FBXL17: variants seen among roughly 807,000 people sequenced by gnomAD.
FBXL17 encodes the protein F-box and leucine rich repeat protein 17, also known as F-box/LRR-repeat protein 17.
FBXL17 carries 22 observed loss-of-function variants against 66.2 expected under a neutral mutation model. The observed-to-expected ratio is 0.33, with a 90% CI of 0.24 to 0.47. FBXL17 has a LOEUF of 0.47. Ranked by LOEUF, FBXL17 falls within the 20% of genes least tolerant of loss-of-function variation. The probability of loss-of-function intolerance (pLI) is 1.00; values close to 1 mark genes in which losing one functional copy is unlikely to be tolerated. For synonymous variants in FBXL17, 474 were observed against 400.5 expected, an observed-to-expected ratio of 1.18 and a Z score of -2.19; for missense variants, 878 against 948.2, an observed-to-expected ratio of 0.93 and a Z score of 0.97.
intron 1 of FBXL17, among the ~76,000 whole-genome samples, chr5:108,379,385 A>G (rs1376640282): frequency 6.6e-6 from 1 of 152,206 alleles, no homozygotes; most frequent in Non-Finnish European, 1.5e-5. Flanking sequence ...CTGCACACAA[A>G]GAGTAGGCAA....
chr5:107,887,706 C>T (rs1328134668), intron 7 of FBXL17, among the ~76,000 whole-genome samples: 1 of 152,184 alleles, frequency 6.6e-6, no homozygotes, highest in Admixed American at 6.5e-5. Flanking sequence ...TCCCTCCACC[C>T]CGCAGGGACT....
intron 4 of FBXL17, among the ~76,000 whole-genome samples, chr5:108,314,096 T>C (rs1007975589): frequency 6.6e-6 from 1 of 151,756 alleles, no homozygotes; most frequent in African/African-American, 2.4e-5. Context: ...TTCTATTACT[T>C]CAAAATTAAA....
At chr5:108,026,619 G>A (rs1308268990) in intron 6 of FBXL17, among the ~76,000 whole-genome samples, 1 of 152,158 alleles carries the variant, frequency 6.6e-6, no homozygotes, top group African/African-American at 2.4e-5. Context: ...CAAAGACTAG[G>A]AGTGACATGC....
intron 6 of FBXL17, among the ~76,000 whole-genome samples, chr5:108,058,461 T>TTC (rs1378204825): frequency 2.6e-5 from 4 of 151,908 alleles, no homozygotes; most frequent in Admixed American, 6.6e-5. Flanking sequence ...CTTTTCTTTC[T>TTC]TCTCTCTCTC....
chr5:108,013,388 C>G (rs989593208), intron 7 of FBXL17, among the ~76,000 whole-genome samples: 1 of 152,160 alleles, frequency 6.6e-6, no homozygotes, highest in African/African-American at 2.4e-5. Context: ...TCTATTCTTT[C>G]TTCAGAATAA....
intron 4 of FBXL17, among the ~76,000 whole-genome samples, chr5:108,306,331 C>T (rs1758840033): frequency 6.6e-6 from 1 of 151,960 alleles, no homozygotes; most frequent in Non-Finnish European, 1.5e-5. Context: ...TATAGGTCTC[C>T]AAGAGCAACT....
intron 4 of FBXL17, among the ~76,000 whole-genome samples, chr5:108,267,893 C>T (rs1263461586): frequency 1.3e-5 from 2 of 151,954 alleles, no homozygotes; most frequent in African/African-American, 4.8e-5. Context: ...ATGTTCACGC[C>T]TATTTTGTTT....
rs529679670 is a variant in FBXL17 at position 107,868,078 on chromosome 5, T to C, written c.1966-6218A>G. ...ATAATATTCAGTGAACATCTATTAT[T>C]TCCCAGACATCTAAGCATGAATACC... On this transcript the variant is annotated intron_variant, in intron 8 of 8. Coordinates refer to ENST00000542267, the MANE Select transcript of FBXL17 (RefSeq NM_001163315.3). Among the ~76,000 whole-genome samples, 6 of 152,314 alleles carry C rather than the reference T, an allele frequency of 3.9e-5. No individual in the cohort carries two copies. The South Asian group carries it at 1.2e-3, about 32-fold the overall frequency.
chr5:108,005,373 T>C (rs1025953576), intron 7 of FBXL17, among the ~76,000 whole-genome samples: 1 of 152,168 alleles, frequency 6.6e-6, no homozygotes, highest in African/African-American at 2.4e-5. Context: ...CTCCTCTGTC[T>C]CAATTTTAGG....
chr5:107,953,187 G>A (rs1373707196), intron 7 of FBXL17, among the ~76,000 whole-genome samples: 1 of 152,030 alleles, frequency 6.6e-6, no homozygotes, highest in African/African-American at 2.4e-5. Flanking sequence ...CGGATCACGA[G>A]GTCAGGAGAT....
At chr5:108,275,290 T>C (rs1206962321) in intron 4 of FBXL17, among the ~76,000 whole-genome samples, 1 of 152,196 alleles carries the variant, frequency 6.6e-6, no homozygotes, top group Non-Finnish European at 1.5e-5. Flanking sequence ...AAAGAGCTAG[T>C]TAAGATTTTT....
At position 108,274,284 on chromosome 5, in the gene FBXL17, C is replaced by T. The variant is rs370831330; in HGVS notation, c.1507-50056G>A. Among the ~76,000 whole-genome samples, 16 of 152,112 alleles carry T rather than the reference C, an allele frequency of 1.1e-4. No individual in the cohort carries two copies. The East Asian group carries it at 2.7e-3, about 26-fold the overall frequency. ...CTCGACCATAAGAGACGACCACGCC[C>T]GGGGGGGCCAGTTTAGAGACCTACC... On this transcript the variant is annotated intron_variant, in intron 4 of 8. Coordinates refer to ENST00000542267, the MANE Select transcript of FBXL17 (RefSeq NM_001163315.3).
Position 108,257,533 on chromosome 5 carries a change from A to T in FBXL17, c.1507-33305T>A, listed in dbSNP as rs116227790. 7.0e-3 allele frequency among the ~76,000 whole-genome samples: 1,059 copies of T among 152,248 alleles called. 9 individuals carry two copies. Among genetic ancestry groups the T allele is most frequent in the African/African-American group, 0.024 (988 of 41,520 alleles). On this transcript the variant is annotated intron_variant, in intron 4 of 8. Coordinates refer to ENST00000542267, the MANE Select transcript of FBXL17 (RefSeq NM_001163315.3). ...GTAGCAAAGGAAGATAATAATTATC[A>T]TTATTATTAACTGAATAATTTCTAT...
intron 7 of FBXL17, among the ~76,000 whole-genome samples, chr5:107,932,943 G>A (rs1750780034): frequency 1.3e-5 from 2 of 152,122 alleles, no homozygotes; most frequent in Admixed American, 1.3e-4. Context: ...TAAGGTCATG[G>A]TTATTATGAA....
chr5:107,953,276 C>T (rs561259433), intron 7 of FBXL17, among the ~76,000 whole-genome samples: 228 of 151,694 alleles, frequency 1.5e-3, no homozygotes, highest in African/African-American at 4.7e-3. Context: ...TGCTGGCGGG[C>T]GCCTTAGTCC....
chr5:108,009,462 A>G (rs1185837232), intron 7 of FBXL17, among the ~76,000 whole-genome samples: 1 of 151,272 alleles, frequency 6.6e-6, no homozygotes, highest in Non-Finnish European at 1.5e-5. Flanking sequence ...GTCATTTTCA[A>G]TGAAAGCCAA....
At chr5:108,047,306 C>A (rs150729279) in intron 6 of FBXL17, among the ~76,000 whole-genome samples, 1 of 152,310 alleles carries the variant, frequency 6.6e-6, no homozygotes, top group East Asian at 1.9e-4. Flanking sequence ...ACTGTGCAAC[C>A]CACAGATCAG....
chr5:108,184,965 A>T (rs1241395338), intron 6 of FBXL17, among the ~76,000 whole-genome samples: 2 of 152,130 alleles, frequency 1.3e-5, no homozygotes, highest in Admixed American at 6.5e-5. Flanking sequence ...TCTCATGCTC[A>T]TATTTACAAA....
At chr5:108,215,966 G>A (rs1457971666) in intron 5 of FBXL17, among the ~76,000 whole-genome samples, 1 of 142,504 alleles carries the variant, frequency 7.0e-6, no homozygotes, top group African/African-American at 2.6e-5. Context: ...TCTTCTCATT[G>A]AATGGTTTTA....
Sources: allele counts gnomAD v4.1 joint callset (sites outside exome capture counted in the v4.1 genomes callset), GRCh38; gene constraint gnomAD v4.1.1; transcripts MANE v1.5; gene names NCBI Gene and HGNC (gene_info 2026-07-23, HGNC 2026-07-21).